TOX: variants seen among roughly 807,000 people sequenced by gnomAD.
The protein encoded by TOX is thymocyte selection-associated high mobility group box protein TOX.
Under a neutral mutation model 53.7 loss-of-function variants are expected in TOX, and 11 were observed. The ratio of observed to expected loss-of-function variants is 0.20; its 90% CI spans 0.13 to 0.34. TOX has a LOEUF of 0.34. Ranked by LOEUF, TOX falls within the 10% of genes least tolerant of loss-of-function variation. TOX has a pLI of 1.00. For synonymous variants in TOX, 225 were observed against 245.3 expected (o/e 0.92, Z 0.77); for missense variants, 570 against 664.6 (o/e 0.86, Z 1.56).
chr8:59,085,672 G>C (rs915504937), intron 1 of TOX, among the ~76,000 whole-genome samples: 1 of 152,216 alleles, frequency 6.6e-6, no homozygotes, highest in Non-Finnish European at 1.5e-5. Flanking sequence ...ACAGGCGTGA[G>C]CCACTGTGCC....
intron 1 of TOX, among the ~76,000 whole-genome samples, chr8:59,052,897 G>A (rs1377742595): frequency 1.3e-5 from 2 of 152,026 alleles, no homozygotes; most frequent in African/African-American, 4.8e-5. Context: ...CCCTACTTTC[G>A]TATCACATAT....
At chr8:58,891,887 C>T (rs1811566596) in intron 3 of TOX, among the ~76,000 whole-genome samples, 1 of 152,208 alleles carries the variant, frequency 6.6e-6, no homozygotes, top group Non-Finnish European at 1.5e-5. Context: ...AACAGTGTCT[C>T]ACTGAGAAGT....
chr8:58,905,360 GA>G (rs1331537330), intron 3 of TOX, among the ~76,000 whole-genome samples: 1 of 152,098 alleles, frequency 6.6e-6, no homozygotes, highest in African/African-American at 2.4e-5. Context: ...TTTTCTCCTT[GA>G]AAGATCCTAT....
intron 1 of TOX, among the ~76,000 whole-genome samples, chr8:59,038,985 T>C (rs1803520743): frequency 6.6e-6 from 1 of 152,200 alleles, no homozygotes; most frequent in Non-Finnish European, 1.5e-5. Flanking sequence ...CACACCAGCT[T>C]TGGCCTCAGG....
intron 3 of TOX, among the ~76,000 whole-genome samples, chr8:58,902,764 C>T (rs1811752185): frequency 6.6e-6 from 1 of 152,186 alleles, no homozygotes; most frequent in Admixed American, 6.5e-5. Context: ...ATATGTTGTT[C>T]TTTGCTTCTT....
chr8:58,815,992 T>C (rs951924452), intron 6 of TOX, among the ~76,000 whole-genome samples: 1 of 152,290 alleles, frequency 6.6e-6, no homozygotes, highest in Admixed American at 6.5e-5. Context: ...TTTCTCATTA[T>C]CCAAATGAGG....
At chr8:58,822,724 G>A (rs1810303029) in intron 6 of TOX, among the ~76,000 whole-genome samples, 1 of 152,202 alleles carries the variant, frequency 6.6e-6, no homozygotes, top group African/African-American at 2.4e-5. Flanking sequence ...TGTAAGAGCT[G>A]GCATGGAATT....
At position 59,097,045 on chromosome 8, in the gene TOX, T is replaced by A. The variant is rs377280576; in HGVS notation, c.102+21841A>T. On this transcript the variant is annotated intron_variant, in intron 1 of 8. Transcript: ENST00000361421. ...AGCCAACTATAAACAATGCTCTGGC[T>A]TTTGTTTTGGGACTCATTGGTGACT... is the stretch of plus-strand genomic sequence containing the variant. 4.3e-3 allele frequency among the ~76,000 whole-genome samples: 657 copies of A among 152,272 alleles called. 39 individuals carry two copies. In the South Asian group the frequency reaches 0.12, roughly 28 times the overall value.
chr8:58,966,478 C>A (rs549932185), intron 1 of TOX, among the ~76,000 whole-genome samples: 1 of 152,196 alleles, frequency 6.6e-6, no homozygotes, highest in Non-Finnish European at 1.5e-5. Flanking sequence ...AACTACAGAT[C>A]TGAATGGTAT....
At chr8:58,991,733 G>T (rs1813454545) in intron 1 of TOX, 1 of 152,194 alleles carries the variant, frequency 6.6e-6, no homozygotes, top group African/African-American at 2.4e-5. Context: ...AGGCTTGTTG[G>T]CATTTCTTTA....
intron 1 of TOX, among the ~76,000 whole-genome samples, chr8:59,111,086 A>G (rs916673285): frequency 6.6e-6 from 1 of 152,198 alleles, no homozygotes; most frequent in Non-Finnish European, 1.5e-5. Context: ...TAAAGGTTTT[A>G]GTGTCAGAAC....
chr8:58,810,507 A>T (rs563898451), intron 7 of TOX, among the ~76,000 whole-genome samples: 2 of 151,720 alleles, frequency 1.3e-5, no homozygotes, highest in South Asian at 2.1e-4. Flanking sequence ...GCCTTGCTAA[A>T]TTTTTTTTGG....
chr8:59,095,887 G>C (rs914844129), intron 1 of TOX, among the ~76,000 whole-genome samples: 3 of 152,104 alleles, frequency 2.0e-5, no homozygotes, highest in Non-Finnish European at 2.9e-5. Flanking sequence ...GATGTGTAGA[G>C]AGGTATTTGA....
At chr8:59,042,907 A>G (rs1446173434) in intron 1 of TOX, among the ~76,000 whole-genome samples, 2 of 151,236 alleles carry the variant, frequency 1.3e-5, no homozygotes, top group African/African-American at 4.8e-5. Flanking sequence ...CAAGTTGATC[A>G]ACATATTAGT....
chr8:58,928,991 C>T (rs1263281038), intron 3 of TOX, among the ~76,000 whole-genome samples: 1 of 152,054 alleles, frequency 6.6e-6, no homozygotes. Flanking sequence ...AAACAAAACT[C>T]CCTAAAGGTT....
intron 2 of TOX, among the ~76,000 whole-genome samples, chr8:58,952,427 T>C (rs570941970): frequency 6.6e-6 from 1 of 152,356 alleles, no homozygotes; most frequent in South Asian, 2.1e-4. Context: ...ATGTTATAAT[T>C]GCAAAATTTA....
At chr8:58,996,105 C>A (rs115037695) in intron 1 of TOX, among the ~76,000 whole-genome samples, 5,344 of 152,236 alleles carry the variant, frequency 0.035, 256 homozygotes, top group South Asian at 0.11. Context: ...TATTTCCACT[C>A]TCTTTTTAGT....
intron 1 of TOX, among the ~76,000 whole-genome samples, chr8:59,098,424 C>CTT (rs3214834): frequency 2.1e-5 from 3 of 142,438 alleles, no homozygotes; most frequent in African/African-American, 2.6e-5. Flanking sequence ...GAATAAACTT[C>CTT]TTTTTTTTTT....
chr8:58,956,094 A>G (rs984834334), intron 2 of TOX, among the ~76,000 whole-genome samples: 2 of 152,220 alleles, frequency 1.3e-5, no homozygotes, highest in African/African-American at 4.8e-5. Flanking sequence ...GCCATGGCAC[A>G]TCTTCAAAAC....
Sources: gnomAD v4.1 joint callset for allele counts (sites outside exome capture counted in the v4.1 genomes callset) on GRCh38, gnomAD v4.1.1 for gene constraint, MANE v1.5 for transcripts, NCBI Gene and HGNC (gene_info 2026-07-23, HGNC 2026-07-21) for gene names.